IL1RAPL2: variants seen among roughly 807,000 people sequenced by gnomAD.
IL1RAPL2 encodes the protein interleukin 1 receptor accessory protein like 2.
A neutral mutation model predicts 44.1 loss-of-function variants in IL1RAPL2; 3 were observed. That is an observed-to-expected ratio of 0.07 (90% CI 0.03 to 0.18). The LOEUF (loss-of-function observed/expected upper bound fraction) is 0.18. IL1RAPL2 is among the 10% of genes least tolerant of loss of function. The probability of loss-of-function intolerance (pLI) is 1.00; values close to 1 mark genes in which losing one functional copy is unlikely to be tolerated. For synonymous variants in IL1RAPL2, 181 were observed against 178.8 expected (o/e 1.01, Z -0.10); for missense variants, 391 against 496.4 (o/e 0.79, Z 2.02).
At chrX:105,741,946 G>T (rs2038503543) in intron 8 of IL1RAPL2, among the ~76,000 whole-genome samples, 1 of 111,367 alleles carries the variant, frequency 9.0e-6, no homozygotes, top group Non-Finnish European at 1.9e-5. Context: ...TACTGAACTT[G>T]GATAATTTAT....
intron 6 of IL1RAPL2, among the ~76,000 whole-genome samples, chrX:105,485,490 G>A (rs950810634): frequency 2.7e-5 from 3 of 110,381 alleles, no homozygotes; most frequent in African/African-American, 9.9e-5. Flanking sequence ...GTTATTTTAA[G>A]ATGTACAATA....
At chrX:105,600,638 G>A (rs2037244407) in intron 6 of IL1RAPL2, among the ~76,000 whole-genome samples, 1 of 105,063 alleles carries the variant, frequency 9.5e-6, no homozygotes, top group Admixed American at 1.0e-4. Context: ...ATTTTATAAA[G>A]AATTTATAAT....
intron 2 of IL1RAPL2, among the ~76,000 whole-genome samples, chrX:104,863,572 C>A (rs1272502423): frequency 8.9e-6 from 1 of 112,010 alleles, no homozygotes; most frequent in Non-Finnish European, 1.9e-5. Context: ...AAATTCCTTG[C>A]AGACAACGGT....
chrX:104,672,855 G>A (rs1426852739), intron 2 of IL1RAPL2, among the ~76,000 whole-genome samples: 1 of 111,894 alleles, frequency 8.9e-6, no homozygotes, highest in Non-Finnish European at 1.9e-5. Context: ...CAGTGATGAC[G>A]AGCATTTTTT....
chrX:104,965,559 TCAC>T (rs1463504413), intron 2 of IL1RAPL2, among the ~76,000 whole-genome samples: 14 of 111,231 alleles, frequency 1.3e-4, no homozygotes, highest in African/African-American at 4.6e-4. Context: ...GAACATAAAT[TCAC>T]AATCCAAAGT....
intron 2 of IL1RAPL2, among the ~76,000 whole-genome samples, chrX:105,020,648 A>C (rs1025324580): frequency 8.9e-6 from 1 of 111,930 alleles, no homozygotes; most frequent in Non-Finnish European, 1.9e-5. Flanking sequence ...GTTAGAAACT[A>C]TTGTTATGTT....
intron 5 of IL1RAPL2, among the ~76,000 whole-genome samples, chrX:105,362,664 T>C (rs1370675513): frequency 1.8e-5 from 2 of 110,690 alleles, no homozygotes; most frequent in African/African-American, 6.5e-5. Flanking sequence ...TTCCAGAAAA[T>C]GTATTTAAAA....
intron 5 of IL1RAPL2, among the ~76,000 whole-genome samples, chrX:105,375,205 A>G (rs1034692079): frequency 6.3e-5 from 7 of 110,421 alleles, no homozygotes; most frequent in Non-Finnish European, 1.1e-4. Flanking sequence ...GACTTTTGCC[A>G]GGTATCCTAA....
At chrX:105,191,311 G>T (rs1481262288) in intron 2 of IL1RAPL2, among the ~76,000 whole-genome samples, 2 of 112,484 alleles carry the variant, frequency 1.8e-5, no homozygotes, top group Non-Finnish European at 3.7e-5. Flanking sequence ...CGCCTCCCAG[G>T]TTCAAGTGAT....
At chrX:104,921,945 CCTT>C (rs1427804096) in intron 2 of IL1RAPL2, among the ~76,000 whole-genome samples, 10 of 112,369 alleles carry the variant, frequency 8.9e-5, no homozygotes, top group Non-Finnish European at 1.5e-4. Context: ...CCCCTGGCAT[CCTT>C]CTTACCCTGA....
chrX:105,143,874 G>A (rs1489558997), intron 2 of IL1RAPL2, among the ~76,000 whole-genome samples: 2 of 110,189 alleles, frequency 1.8e-5, no homozygotes, highest in African/African-American at 6.6e-5. Flanking sequence ...AGCATTAGGA[G>A]ATATACCTAA....
chrX:105,182,633 G>T (rs782749976), intron 2 of IL1RAPL2, among the ~76,000 whole-genome samples: 1 of 111,680 alleles, frequency 9.0e-6, no homozygotes, highest in South Asian at 3.7e-4. Context: ...TATAATCAAG[G>T]TTATTATTGA....
intron 2 of IL1RAPL2, among the ~76,000 whole-genome samples, chrX:104,745,464 C>T (rs1261353436): frequency 8.9e-6 from 1 of 112,144 alleles, no homozygotes; most frequent in Non-Finnish European, 1.9e-5. Flanking sequence ...GTTGCTTGAG[C>T]ATTCATTTTT....
chrX:105,344,724 C>T (rs1315808449), intron 5 of IL1RAPL2, among the ~76,000 whole-genome samples: 3 of 111,363 alleles, frequency 2.7e-5, no homozygotes, highest in African/African-American at 6.5e-5. Context: ...TATATGTATA[C>T]GTTATTCTCT....
In IL1RAPL2 at chrX:104,658,902, G is replaced by C. The variant is rs371896472; in HGVS notation, c.-12G>C. The C allele has an allele frequency of 4.9e-5, 59 of 1,192,091 alleles. 2 individuals are homozygous for C. The highest frequency in any genetic ancestry group is 3.7e-4 in the African/African-American group (21 of 57,291). On this transcript the variant is annotated 5_prime_UTR_variant, in exon 2 of 11. Transcript: ENST00000372582. ...TTTTTTTTGACTTTTCAGCTGTCAA[G>C]AAAAGTGAAGGATGAAGCCACCATT...
chrX:104,914,780 C>A (rs1300072202), intron 2 of IL1RAPL2, among the ~76,000 whole-genome samples: 1 of 109,757 alleles, frequency 9.1e-6, no homozygotes, highest in Non-Finnish European at 1.9e-5. Context: ...GTGTTCTCAT[C>A]GTTCAATTCC....
chrX:105,137,099 A>G (rs986117165), intron 2 of IL1RAPL2, among the ~76,000 whole-genome samples: 1 of 111,983 alleles, frequency 8.9e-6, no homozygotes, highest in Non-Finnish European at 1.9e-5. Context: ...AGGAGAGGGC[A>G]GAATACCAGA....
intron 2 of IL1RAPL2, among the ~76,000 whole-genome samples, chrX:104,858,962 A>G (rs1368966122): frequency 3.6e-5 from 4 of 111,949 alleles, no homozygotes; most frequent in African/African-American, 1.3e-4. Flanking sequence ...TCTCTTTCCC[A>G]TATTGCTGAG....
At chrX:105,032,133 CT>C (rs1406657593) in intron 2 of IL1RAPL2, among the ~76,000 whole-genome samples, 2 of 111,126 alleles carry the variant, frequency 1.8e-5, no homozygotes, top group Non-Finnish European at 1.9e-5. Context: ...CTTTGTTAGT[CT>C]TGCTAGCGGT....
Sources: allele counts gnomAD v4.1 joint callset (sites outside exome capture counted in the v4.1 genomes callset), GRCh38; gene constraint gnomAD v4.1.1; transcripts MANE v1.5; gene names NCBI Gene and HGNC (gene_info 2026-07-23, HGNC 2026-07-21).